Variants in SLC18A1 observed in about 807,000 individuals in gnomAD.
The protein encoded by SLC18A1 is solute carrier family 18 member A1.
In SLC18A1, 69 loss-of-function variants were observed where a neutral mutation model predicts 53.7. That is an observed-to-expected ratio of 1.28 (90% confidence interval 1.06 to 1.57). The LOEUF is 1.57. Among genes scored for constraint, SLC18A1 ranks in the 40% most tolerant of loss-of-function variants. SLC18A1 has a pLI of 0.00. For synonymous variants in SLC18A1, 320 were observed against 248.1 expected, an observed-to-expected ratio of 1.29 and a Z score of -2.72; for missense variants, 932 against 668.1, an observed-to-expected ratio of 1.40 and a Z score of -4.35.
At chr8:20,171,944 G>T (rs918113268) in intron 6 of SLC18A1, among the ~76,000 whole-genome samples, 1 of 152,182 alleles carries the variant, frequency 6.6e-6, no homozygotes, top group African/African-American at 2.4e-5. Flanking sequence ...AGAAGAAAGC[G>T]GGTGTTAGCA....
intron 8 of SLC18A1, among the ~76,000 whole-genome samples, chr8:20,170,762 C>CATATAT (rs36178996): frequency 1.4e-4 from 21 of 148,994 alleles, no homozygotes; most frequent in African/African-American, 4.7e-4. Flanking sequence ...TGTGTGTGCA[C>CATATAT]ATATATATAT....
chr8:20,150,057 G>C (rs946261166), intron 11 of SLC18A1, among the ~76,000 whole-genome samples: 1 of 152,182 alleles, frequency 6.6e-6, no homozygotes, highest in Admixed American at 6.5e-5. Flanking sequence ...CTGTTGCCCA[G>C]CTCAGACTGC....
intron 1 of SLC18A1, among the ~76,000 whole-genome samples, chr8:20,181,469 A>G (rs1178665918): frequency 6.6e-6 from 1 of 151,982 alleles, no homozygotes; most frequent in East Asian, 1.9e-4. Flanking sequence ...AGATACTGCC[A>G]GGTATGGTGG....
At chr8:20,171,533 G>A (rs62498228) in intron 6 of SLC18A1, 39 bp from the exon 7 acceptor site, 1 of 1,502,870 alleles carries the variant, frequency 6.7e-7, no homozygotes, top group Non-Finnish European at 9.3e-7. Flanking sequence ...AGAGGTGAGG[G>A]TGAGTCCTTT....
chr8:20,157,974 C>G (rs1489693688), intron 10 of SLC18A1, among the ~76,000 whole-genome samples: 1 of 152,234 alleles, frequency 6.6e-6, no homozygotes, highest in Non-Finnish European at 1.5e-5. Flanking sequence ...AAGCCACCCC[C>G]TCATCTATGC....
intron 5 of SLC18A1, among the ~76,000 whole-genome samples, chr8:20,174,152 A>G (rs970725841): frequency 6.6e-6 from 1 of 152,052 alleles, no homozygotes; most frequent in South Asian, 2.1e-4. Flanking sequence ...GAATCAAGCT[A>G]TCCTCCTGCC....
intron 10 of SLC18A1, among the ~76,000 whole-genome samples, chr8:20,154,326 T>A (rs140005202): frequency 1.3e-5 from 2 of 152,074 alleles, no homozygotes. Context: ...CACCTGGATA[T>A]TGAAGTCACC....
rs767376187 is a variant in SLC18A1, at chr8:20,179,278, G to T, written c.331C>A (p.Pro111Thr). ...AWMNDTASTI[P>T]PPATEAISAH... ...GAGATGGCTTCAGTGGCTGGAGGTG[G>T]GATGGTGCTGGCAGTGTCATTCATC... Residue 111 changes from proline (P) to threonine (T), a missense_variant, in exon 3 of 16, where the codon CCA becomes ACA. Coordinates refer to ENST00000276373, the MANE Select transcript of SLC18A1 (RefSeq NM_003053.4). 16 of 1,614,090 alleles carry T rather than the reference G, an allele frequency of 9.9e-6. No homozygotes were observed. The East Asian group carries it at 3.1e-4, about 31-fold the overall frequency.
intron 1 of SLC18A1, among the ~76,000 whole-genome samples, chr8:20,182,637 T>C (rs544000170): frequency 6.6e-6 from 1 of 152,314 alleles, no homozygotes; most frequent in South Asian, 2.1e-4. Context: ...GTGTTGGGAG[T>C]ACCCCAAACA....
chr8:20,164,915 C>T lies in SLC18A1; in HGVS notation c.969G>A (p.Leu323=). 1 of 1,613,882 alleles carries T rather than the reference C, an allele frequency of 6.2e-7. No individual in the cohort carries two copies. Among genetic ancestry groups the T allele is most frequent in the Non-Finnish European group, 8.5e-7 (1 of 1,179,788 alleles). The change falls in exon 10 of 16, where the codon CTG becomes CTA. Residue 323 remains leucine, a synonymous_variant. Transcript: ENST00000276373. ...NMGVAILEPT[L]PIWMMQTMCS... Reference sequence around the variant, plus strand: ...ACATGGTCTGCATCATCCAGATGGGCAGTGTGGGCTCCAGGATGGCCACCC... The same window carrying T: ...ACATGGTCTGCATCATCCAGATGGGTAGTGTGGGCTCCAGGATGGCCACCC...
chr8:20,151,012 C>A, intron 10 of SLC18A1: 1 of 411,874 alleles, frequency 2.4e-6, no homozygotes, highest in African/African-American at 2.0e-5. Flanking sequence ...CACTCTGTCA[C>A]CCAGGCTGGA....
intron 10 of SLC18A1, among the ~76,000 whole-genome samples, chr8:20,163,406 T>A (rs752600060): frequency 6.6e-5 from 10 of 152,158 alleles, no homozygotes; most frequent in Admixed American, 3.3e-4. Context: ...AAATAACTTA[T>A]CCGAGGTCAC....
intron 4 of SLC18A1, 77 bp downstream of exon 4, chr8:20,178,358 T>C (rs1474420272): frequency 2.6e-6 from 3 of 1,169,808 alleles, no homozygotes; most frequent in African/African-American, 3.1e-5. Context: ...TAGGTTACCC[T>C]GCTATCTACA....
chr8:20,171,197 G>C (rs2072106882), intron 7 of SLC18A1, 51 bp from the exon 8 acceptor site: 1 of 1,589,930 alleles, frequency 6.3e-7, no homozygotes, highest in African/African-American at 1.3e-5. Flanking sequence ...GATTAGCTGG[G>C]GGCTCCAATA....
intron 10 of SLC18A1, among the ~76,000 whole-genome samples, chr8:20,153,559 T>A (rs1360852486): frequency 6.6e-6 from 1 of 151,934 alleles, no homozygotes; most frequent in African/African-American, 2.4e-5. Flanking sequence ...GTACCTGTAG[T>A]CCCAGCTACT....
intron 10 of SLC18A1, among the ~76,000 whole-genome samples, chr8:20,154,949 G>A (rs1477412018): frequency 5.3e-5 from 8 of 152,152 alleles, no homozygotes; most frequent in African/African-American, 9.7e-5. Context: ...TGCCACTCCT[G>A]ATTGGGCTAA....
chr8:20,178,609 C>T, intron 3 of SLC18A1, 116 bp from the exon 4 acceptor site: 1 of 742,328 alleles, frequency 1.3e-6, no homozygotes, highest in Non-Finnish European at 2.3e-6. Flanking sequence ...TATGGTAAAA[C>T]ATGCCTCTGA....
Position 20,170,860 on chromosome 8 carries a change from C to T in SLC18A1, c.858+243G>A, listed in dbSNP as rs542040762. On this transcript the variant is annotated intron_variant, in intron 8 of 15. Coordinates refer to ENST00000276373, the MANE Select transcript of SLC18A1 (RefSeq NM_003053.4). ...ATATAGATAGATAGATAGATAGATT[C>T]TCTATGGCTTCTTTGATTATGCACA... Among the ~76,000 whole-genome samples the T allele has an allele frequency of 1.7e-4, 23 of 138,776 alleles. No individual in the cohort carries two copies. In the South Asian group the frequency reaches 5.1e-3, roughly 31 times the overall value. The allele number at this position is 138,776 out of a possible 152,430, so 91.0% of individuals were successfully genotyped here. A position where few individuals can be genotyped will look rare whatever the true frequency, so the allele number is the denominator to read the frequency against.
At chr8:20,166,539 G>C (rs376551459) in intron 8 of SLC18A1, among the ~76,000 whole-genome samples, 127 of 151,594 alleles carry the variant, frequency 8.4e-4, no homozygotes, top group Non-Finnish European at 1.4e-3. Context: ...AAACCAGAAG[G>C]CATTAAAATT....
Sources: gnomAD v4.1 joint callset for allele counts (sites outside exome capture counted in the v4.1 genomes callset) on GRCh38, gnomAD v4.1.1 for gene constraint, MANE v1.5 for transcripts, NCBI Gene and HGNC (gene_info 2026-07-23, HGNC 2026-07-21) for gene names.